The following STK32A variants were observed in gnomAD, a reference collection of about 807,000 sequenced individuals.
The protein encoded by STK32A is serine/threonine kinase 32A.
In STK32A, 41 loss-of-function variants were observed where a neutral mutation model predicts 53.2. The observed-to-expected ratio is 0.77, with a 90% CI of 0.60 to 1.00. The LOEUF (loss-of-function observed/expected upper bound fraction) is 1.00, where lower values mean the gene tolerates loss of function less well. Ranked by LOEUF, STK32A falls within the 50% of genes least tolerant of loss-of-function variation. STK32A has a pLI of 0.00. For missense variants in STK32A, 458 were observed against 485.8 expected (o/e 0.94, Z 0.54); for synonymous variants, 166 against 162.8 (o/e 1.02, Z -0.15).
At chr5:147,279,198 T>C in intron 3 of STK32A, 49 bp from the exon 4 acceptor site, 1 of 1,551,306 alleles carries the variant, frequency 6.4e-7, no homozygotes, top group South Asian at 1.2e-5. Context: ...CTCATCACCA[T>C]GATCCATTAT....
rs775335644 is a variant in STK32A at position 147,361,624 on chromosome 5, T to C, written c.660+10T>C. ...ACTGCTGAGAGGCCGGGTACTGTAG[T>C]AGCATTTCCTCTTTGGTTATTTTTC... On this transcript the variant is annotated intron_variant, in intron 8 of 12. Coordinates refer to ENST00000397936, the MANE Select transcript of STK32A (RefSeq NM_001112724.2). 23 of 1,566,126 alleles carry C rather than the reference T, an allele frequency of 1.5e-5. No homozygotes were observed. The highest frequency in any genetic ancestry group is 1.0e-4 in the Admixed American group (6 of 59,180).
At chr5:147,357,187 C>G (rs909678191) in intron 7 of STK32A, among the ~76,000 whole-genome samples, 1 of 152,034 alleles carries the variant, frequency 6.6e-6, no homozygotes, top group African/African-American at 2.4e-5. Flanking sequence ...AATTTCTGGT[C>G]AAAGCCTTTA....
chr5:147,343,373 AAT>A, intron 6 of STK32A: 1 of 412,214 alleles, frequency 2.4e-6, no homozygotes, highest in South Asian at 2.1e-5. Context: ...TATTTTTTAT[AAT>A]GATACAGAAG....
intron 11 of STK32A, among the ~76,000 whole-genome samples, chr5:147,376,582 A>T (rs1410605790): frequency 6.6e-6 from 1 of 152,150 alleles, no homozygotes. Context: ...GCTCAACATG[A>T]TCTGCCCATC....
At chr5:147,269,903 G>A (rs1754957625) in intron 2 of STK32A, among the ~76,000 whole-genome samples, 1 of 152,200 alleles carries the variant, frequency 6.6e-6, no homozygotes, top group Non-Finnish European at 1.5e-5. Flanking sequence ...GAGATAATCA[G>A]TTGTTTTAAC....
chr5:147,324,161 C>T (rs1754460425), intron 5 of STK32A, 90 bp downstream of exon 5: 2 of 1,249,336 alleles, frequency 1.6e-6, no homozygotes, highest in South Asian at 1.6e-5. Flanking sequence ...TTGAACATGA[C>T]ATTTAATCCC....
At chr5:147,356,464 A>G (rs1282602054) in intron 7 of STK32A, among the ~76,000 whole-genome samples, 1 of 152,156 alleles carries the variant, frequency 6.6e-6, no homozygotes, top group Non-Finnish European at 1.5e-5. Context: ...GCAGACTGAA[A>G]GGTTAAGAAA....
At position 147,279,399 on chromosome 5, in the gene STK32A, G is replaced by C; in HGVS notation, c.260+1G>C. 6.4e-7 allele frequency: 1 copy of C among 1,572,402 alleles called. No individual in the cohort carries two copies. Among genetic ancestry groups the C allele is most frequent in the Non-Finnish European group, 8.6e-7 (1 of 1,158,324 alleles). On this transcript the variant is annotated splice_donor_variant, in intron 4 of 12. Transcript: ENST00000397936. LOFTEE classifies it high-confidence loss of function. ...AGCACCCTTTCCTGGTTAATTTGTG[G>C]TGAGTAATTTTACTGGACCTCTGAA...
chr5:147,254,669 C>A (rs1754146366), intron 2 of STK32A, among the ~76,000 whole-genome samples: 1 of 152,132 alleles, frequency 6.6e-6, no homozygotes, highest in South Asian at 2.1e-4. Context: ...GGTTAGACCA[C>A]ACAGGCTAAC....
At chr5:147,318,040 A>G (rs1251044087) in intron 4 of STK32A, among the ~76,000 whole-genome samples, 1 of 152,108 alleles carries the variant, frequency 6.6e-6, no homozygotes, top group African/African-American at 2.4e-5. Context: ...TTATGTAACT[A>G]TCTTATTTTC....
At chr5:147,379,694 C>G (rs1757378541) in intron 11 of STK32A, among the ~76,000 whole-genome samples, 1 of 152,170 alleles carries the variant, frequency 6.6e-6, no homozygotes. Context: ...CCCAGTCTGT[C>G]TGACAATTGA....
chr5:147,369,155 T>C (rs1205919988), intron 8 of STK32A, among the ~76,000 whole-genome samples: 1 of 152,190 alleles, frequency 6.6e-6, no homozygotes, highest in African/African-American at 2.4e-5. Context: ...CCAAGACATA[T>C]GATATAGCTA....
the STK32A span, among the ~76,000 whole-genome samples, chr5:147,399,601 T>G: frequency 0.056 from 8,587 of 152,280 alleles, 843 homozygotes; most frequent in African/African-American, 0.2. Flanking sequence ...TCCCATCCTT[T>G]AGATATGTAT....
rs1561675399 is a variant in STK32A, at chr5:147,260,253, TC to T, written c.53-17869del. ...CTCTCTGTCTCTGTCTCTCTCTCTC[TC>T]CTCTCTCTCCCTCTCCCCTCTCTGT... is the stretch of plus-strand genomic sequence containing the variant. On this transcript the variant is annotated intron_variant, in intron 2 of 12. Transcript: ENST00000397936. Among the ~76,000 whole-genome samples, 118 of 128,402 alleles carry T rather than the reference TC, an allele frequency of 9.2e-4. 3 individuals carry two copies. The highest frequency in any genetic ancestry group is 3.5e-3 in the African/African-American group (109 of 31,446). The allele number at this position is 128,402 out of a possible 152,430, so 84.2% of individuals were successfully genotyped here. A position where few individuals can be genotyped will look rare whatever the true frequency, so the allele number is the denominator to read the frequency against.
At chr5:147,401,533 C>A in the STK32A span, 4 of 1,609,356 alleles carry the variant, frequency 2.5e-6, no homozygotes, top group Admixed American at 6.7e-5. Context: ...GGCATTCCTG[C>A]ACCAACCTGG....
chr5:147,334,602 A>T (rs971186165), intron 5 of STK32A, among the ~76,000 whole-genome samples: 1 of 152,222 alleles, frequency 6.6e-6, no homozygotes, highest in South Asian at 2.1e-4. Flanking sequence ...AATTGTACCT[A>T]GTTCATAAGG....
At chr5:147,381,164 C>T (rs1757437194) in intron 11 of STK32A, among the ~76,000 whole-genome samples, 1 of 152,154 alleles carries the variant, frequency 6.6e-6, no homozygotes, top group African/African-American at 2.4e-5. Context: ...AAGAACAGTT[C>T]TGCCAGATAG....
intron 4 of STK32A, among the ~76,000 whole-genome samples, chr5:147,284,147 C>T (rs1446901265): frequency 6.6e-6 from 1 of 152,044 alleles, no homozygotes; most frequent in Non-Finnish European, 1.5e-5. Flanking sequence ...TGACACACCA[C>T]ATAAACAGAA....
At chr5:147,260,197 C>G (rs1370430966) in intron 2 of STK32A, among the ~76,000 whole-genome samples, 55 of 71,520 alleles carry the variant, frequency 7.7e-4, no homozygotes, top group African/African-American at 3.4e-3. Flanking sequence ...TCTCCTCTCT[C>G]TCTCCTCTCT....
Sources: allele counts gnomAD v4.1 joint callset (sites outside exome capture counted in the v4.1 genomes callset), GRCh38; gene constraint gnomAD v4.1.1; transcripts MANE v1.5; gene names NCBI Gene and HGNC (gene_info 2026-07-23, HGNC 2026-07-21).